Variants in BDH1 observed in about 807,000 individuals in gnomAD.
BDH1 encodes the protein D-beta-hydroxybutyrate dehydrogenase, mitochondrial.
In BDH1, 30 loss-of-function variants were observed where a neutral mutation model predicts 33.1. That is an observed-to-expected ratio of 0.91 (90% CI 0.68 to 1.23). The LOEUF (loss-of-function observed/expected upper bound fraction) is 1.23, where lower values mean the gene tolerates loss of function less well. Among genes scored for constraint, BDH1 ranks in the 50% most tolerant of loss-of-function variants. The probability of loss-of-function intolerance (pLI) is 0.00; values close to 1 mark genes in which losing one functional copy is unlikely to be tolerated. For synonymous variants in BDH1, 190 were observed against 183.6 expected (o/e 1.03, Z -0.28); for missense variants, 443 against 464.4 (o/e 0.95, Z 0.42).
intron 2 of BDH1, among the ~76,000 whole-genome samples, chr3:197,547,006 G>A (rs1716140535): frequency 6.6e-6 from 1 of 152,216 alleles, no homozygotes; most frequent in East Asian, 1.9e-4. Context: ...TCCCCCATGC[G>A]AACAAACAAG....
upstream of BDH1, chr3:197,573,340 G>C (rs2108780360): frequency 6.6e-6 from 1 of 152,334 alleles, no homozygotes; most frequent in African/African-American, 2.4e-5. Flanking sequence ...CTTTAGCTGA[G>C]AATGGAAATT....
chr3:197,570,442 G>A (rs1190679473), intron 1 of BDH1, among the ~76,000 whole-genome samples: 1 of 152,210 alleles, frequency 6.6e-6, no homozygotes, highest in Non-Finnish European at 1.5e-5. Flanking sequence ...AGACCTTTGT[G>A]GCAGCCCCCT....
chr3:197,561,314 TAG>T (rs764690508), intron 1 of BDH1, among the ~76,000 whole-genome samples: 6 of 152,120 alleles, frequency 3.9e-5, no homozygotes, highest in Non-Finnish European at 8.8e-5. Flanking sequence ...GGTCAAGATC[TAG>T]AGTTTATTTT....
At position 197,522,365 on chromosome 3, in the gene BDH1, G is replaced by C. The variant is rs1287620668; in HGVS notation, c.409+275C>G. On this transcript the variant is annotated intron_variant, in intron 6 of 7. Transcript: ENST00000392379. The surrounding 1 kb of genome is among the most constrained non-coding windows in gnomAD (Gnocchi z 4.8). ...CAACCCAGCTCCTGGGCCAGAGGGG[G>C]CATCAATGGGCATTGGCTGAACTGA... Among the ~76,000 whole-genome samples, 1 of 152,190 alleles carries C rather than the reference G, an allele frequency of 6.6e-6. No homozygotes were observed. The highest frequency in any genetic ancestry group is 2.4e-5 in the African/African-American group (1 of 41,432).
chr3:197,560,736 C>T (rs1456440910), upstream of BDH1, among the ~76,000 whole-genome samples: 2 of 152,198 alleles, frequency 1.3e-5, no homozygotes, highest in Non-Finnish European at 2.9e-5. Context: ...CCCCACATCA[C>T]TAAGCTAAAG....
At chr3:197,573,040 G>A (rs1717662238) in intron 1 of BDH1, 1 of 152,070 alleles carries the variant, frequency 6.6e-6, no homozygotes, top group Non-Finnish European at 1.5e-5. Flanking sequence ...TCTGTTTTGG[G>A]TTAACAGCAC....
intron 7 of BDH1, among the ~76,000 whole-genome samples, chr3:197,513,052 G>A (rs1712249146): frequency 6.6e-6 from 1 of 152,172 alleles, no homozygotes; most frequent in African/African-American, 2.4e-5. Flanking sequence ...CTGGCAAACA[G>A]AGCAGCAGGC....
rs1221127930 is a variant in BDH1, at chr3:197,523,370, GCTCAGTCA to G, written c.268-597_268-590del. On this transcript the variant is annotated intron_variant, in intron 5 of 7. Coordinates refer to ENST00000392379, the MANE Select transcript of BDH1 (RefSeq NM_203314.3). The surrounding 1 kb of genome is among the most constrained non-coding windows in gnomAD (Gnocchi z 4.5). ...AGGCCAGAGCCAGCCTCTAATCCCA[GCTCAGTCA>G]CTGAGTAGGCTTTGTGCACTCAGGG... is the stretch of plus-strand genomic sequence containing the variant. 6.6e-6 allele frequency: 1 copy of G among 152,520 alleles called. No individual in the cohort carries two copies. Among genetic ancestry groups the G allele is most frequent in the African/African-American group, 2.4e-5 (1 of 41,454 alleles). 9.4% of individuals were successfully genotyped at this position (152,520 alleles called of 1,614,324 possible).
chr3:197,538,341 G>GT (rs1560327249), intron 3 of BDH1: 2 of 455,800 alleles, frequency 4.4e-6, no homozygotes, highest in Admixed American at 4.7e-5. Context: ...TTCAAATTTT[G>GT]TTTTTTGTTT....
intron 3 of BDH1, among the ~76,000 whole-genome samples, chr3:197,540,201 G>A (rs1715486290): frequency 6.6e-6 from 1 of 151,860 alleles, no homozygotes; most frequent in Admixed American, 6.6e-5. Context: ...TTATAGGCAT[G>A]TTCCACCACG....
intron 3 of BDH1, among the ~76,000 whole-genome samples, chr3:197,538,029 G>A (rs1715302353): frequency 6.6e-6 from 1 of 152,058 alleles, no homozygotes; most frequent in African/African-American, 2.4e-5. Flanking sequence ...CCATTTCTTG[G>A]GTCCTGAGGT....
In BDH1 at chr3:197,514,788, C is replaced by T. The variant is rs1226628592; in HGVS notation, c.410-372G>A. On this transcript the variant is annotated intron_variant, in intron 6 of 7. Coordinates refer to ENST00000392379, the MANE Select transcript of BDH1 (RefSeq NM_203314.3). The surrounding 1 kb of genome is among the most constrained non-coding windows in gnomAD (Gnocchi z 4.2). ...ACACCCTGAGTTTGAGTTTCACGCC[C>T]CGTTCCTGTTTACTCATCTCTGCCC... Among the ~76,000 whole-genome samples, 1 of 152,208 alleles carries T rather than the reference C, an allele frequency of 6.6e-6. No individual in the cohort carries two copies. The highest frequency in any genetic ancestry group is 1.5e-5 in the Non-Finnish European group (1 of 68,036).
chr3:197,515,712 C>T, intron 6 of BDH1: 3 of 968,880 alleles, frequency 3.1e-6, no homozygotes, highest in Non-Finnish European at 3.6e-6. Context: ...CTCTCCCTCC[C>T]TCCACGCCAG....
At chr3:197,541,991 G>A (rs920556711) in intron 3 of BDH1, among the ~76,000 whole-genome samples, 7 of 152,194 alleles carry the variant, frequency 4.6e-5, no homozygotes, top group African/African-American at 1.4e-4. Flanking sequence ...TCCAGGGACA[G>A]CAGTGCGCCC....
intron 3 of BDH1, among the ~76,000 whole-genome samples, chr3:197,534,433 G>A (rs1031233211): frequency 1.3e-5 from 2 of 152,186 alleles, no homozygotes; most frequent in African/African-American, 2.4e-5. Flanking sequence ...GCTAGGTAGT[G>A]CTCCATGACA....
intron 2 of BDH1, among the ~76,000 whole-genome samples, chr3:197,549,420 A>G (rs565116653): frequency 6.9e-4 from 105 of 152,334 alleles, no homozygotes; most frequent in African/African-American, 2.5e-3. Context: ...CAACATGACC[A>G]TCTTGCAGAG....
In BDH1 at chr3:197,554,833, G is replaced by T. The variant is rs1716870837; in HGVS notation, c.-195-120C>A. On this transcript the variant is annotated intron_variant, in intron 1 of 7. Transcript: ENST00000392379. The surrounding 1 kb of genome is among the most constrained non-coding windows in gnomAD (Gnocchi z 4.4). ...GACGCACGCCCAAGGCGCCTGGGCCGCTAGGGACCGACCGGAGCGCTCAAA... is the reference window on the plus strand; with the variant it reads ...GACGCACGCCCAAGGCGCCTGGGCCTCTAGGGACCGACCGGAGCGCTCAAA... The T allele has an allele frequency of 6.6e-6, 1 of 152,258 alleles. No individual in the cohort carries two copies. Among genetic ancestry groups the T allele is most frequent in the African/African-American group, 2.4e-5 (1 of 41,450 alleles). The allele number at this position is 152,258 out of a possible 1,614,324, so 9.4% of individuals were successfully genotyped here.
intron 2 of BDH1, among the ~76,000 whole-genome samples, chr3:197,553,478 G>A (rs557199264): frequency 8.8e-5 from 13 of 147,474 alleles, no homozygotes; most frequent in African/African-American, 3.0e-4. Flanking sequence ...GCAGTGAGCC[G>A]AGATCACGCC....
chr3:197,569,664 T>C (rs1560349943), intron 1 of BDH1, among the ~76,000 whole-genome samples: 1 of 152,212 alleles, frequency 6.6e-6, no homozygotes, highest in Non-Finnish European at 1.5e-5. Flanking sequence ...CCCCTTTTGC[T>C]TGGCTTTCAT....
Sources: allele counts gnomAD v4.1 joint callset (sites outside exome capture counted in the v4.1 genomes callset), GRCh38; gene constraint gnomAD v4.1.1; non-coding constraint Gnocchi (gnomAD v3.1); transcripts MANE v1.5; gene names NCBI Gene and HGNC (gene_info 2026-07-23, HGNC 2026-07-21).